Variants in C2CD5 observed in about 807,000 individuals in gnomAD.
The protein encoded by C2CD5 is C2 domain-containing protein 5.
In C2CD5, 109 loss-of-function variants were observed where a neutral mutation model predicts 130.3. The ratio of observed to expected loss-of-function variants is 0.84; its 90% CI spans 0.72 to 0.98. The LOEUF is 0.98. C2CD5 is among the 50% of genes least tolerant of loss of function. The pLI is 0.00. For missense variants in C2CD5, 996 were observed against 1,261.8 expected (o/e 0.79, Z 3.19); for synonymous variants, 454 against 429.2 (o/e 1.06, Z -0.71).
chr12:22,480,199 T>TG (rs1277430037), intron 14 of C2CD5, among the ~76,000 whole-genome samples: 7 of 152,200 alleles, frequency 4.6e-5, no homozygotes, highest in Admixed American at 1.3e-4. Context: ...CCTGAACAGC[T>TG]GAGAACACAG....
rs886305314 is a variant in C2CD5 at position 22,500,556 on chromosome 12, A to G, written c.1147+6155T>C. On this transcript the variant is annotated intron_variant, in intron 10 of 26. Transcript: ENST00000446597. ...TCTTTAACTCTTTATCTTGTATCAC[A>G]CCATACCACACAGTAAATTATTTAA... Among the ~76,000 whole-genome samples, 4 of 152,150 alleles carry G rather than the reference A, an allele frequency of 2.6e-5. No individual in the cohort carries two copies. The East Asian group carries it at 7.7e-4, about 29-fold the overall frequency.
rs752007996 is a variant in C2CD5 at position 22,457,144 on chromosome 12, C to T, written c.2704G>A (p.Ala902Thr). Reference protein sequence around the residue: ...SIKTTMTVEKASPVGDGNFRN... With the variant: ...SIKTTMTVEKTSPVGDGNFRN... ...AAATTTCCATCACCCACTGGACTTG[C>T]TTTTTCAACTGTCATGGCTAAAATT... Residue 902 changes from alanine (A) to threonine (T), a missense_variant, in exon 25 of 27, where the codon GCA becomes ACA. Coordinates refer to ENST00000446597, the MANE Select transcript of C2CD5 (RefSeq NM_001286176.2). The T allele has an allele frequency of 6.2e-7, 1 of 1,601,608 alleles. No homozygotes were observed. The highest frequency in any genetic ancestry group is 1.1e-5 in the South Asian group (1 of 88,328).
At chr12:22,482,176 T>C (rs1056600730) in intron 14 of C2CD5, among the ~76,000 whole-genome samples, 1 of 152,170 alleles carries the variant, frequency 6.6e-6, no homozygotes, top group Admixed American at 6.5e-5. Flanking sequence ...GGAATTGCCA[T>C]GGATGCTGCT....
chr12:22,453,544 G>A (rs1221591468), intron 26 of C2CD5, among the ~76,000 whole-genome samples: 1 of 152,088 alleles, frequency 6.6e-6, no homozygotes, highest in Non-Finnish European at 1.5e-5. Flanking sequence ...TAGTAAGGCA[G>A]CTGAAACTGG....
intron 4 of C2CD5, 95 bp from the exon 5 acceptor site, chr12:22,525,800 T>C: frequency 1.4e-6 from 1 of 719,494 alleles, no homozygotes; most frequent in Non-Finnish European, 2.4e-6. Context: ...GATTTTAAAA[T>C]ACAATGATTT....
At chr12:22,468,069 G>A (rs1591970845) in intron 22 of C2CD5, among the ~76,000 whole-genome samples, 1 of 144,790 alleles carries the variant, frequency 6.9e-6, no homozygotes, top group East Asian at 2.0e-4. Context: ...AGGTTTTAGG[G>A]CTTTTTTTTT....
intron 3 of C2CD5, among the ~76,000 whole-genome samples, chr12:22,529,650 A>G (rs535860085): frequency 6.6e-6 from 1 of 152,310 alleles, no homozygotes; most frequent in Non-Finnish European, 1.5e-5. Context: ...TTTCTGAGAA[A>G]TGTTTTAAAT....
intron 22 of C2CD5, among the ~76,000 whole-genome samples, chr12:22,460,282 A>C (rs1321067816): frequency 2.6e-5 from 4 of 152,234 alleles, no homozygotes; most frequent in African/African-American, 9.6e-5. Flanking sequence ...TGTTCTACCC[A>C]CATTAGAATA....
At chr12:22,537,741 A>G (rs935875620) in intron 2 of C2CD5, among the ~76,000 whole-genome samples, 1 of 152,190 alleles carries the variant, frequency 6.6e-6, no homozygotes, top group Admixed American at 6.5e-5. Context: ...ACATGTAGAG[A>G]CCTAGCAAAA....
intron 2 of C2CD5, among the ~76,000 whole-genome samples, chr12:22,537,005 A>G (rs572518894): frequency 3.3e-5 from 5 of 152,228 alleles, no homozygotes; most frequent in Non-Finnish European, 7.3e-5. Flanking sequence ...CTTTATATGA[A>G]GTAAAATACT....
At chr12:22,522,709 G>GT (rs1420956128) in intron 7 of C2CD5, among the ~76,000 whole-genome samples, 1 of 152,050 alleles carries the variant, frequency 6.6e-6, no homozygotes, top group Non-Finnish European at 1.5e-5. Flanking sequence ...AGACATTTGA[G>GT]TTTAACACTT....
chr12:22,506,929 G>C (rs568927652), intron 9 of C2CD5, 110 bp from the exon 10 acceptor site: 1 of 684,590 alleles, frequency 1.5e-6, no homozygotes, highest in East Asian at 2.6e-5. Context: ...GAAATAAAAG[G>C]CCACCCATTA....
chr12:22,504,296 T>G (rs1409839153), intron 10 of C2CD5, among the ~76,000 whole-genome samples: 1 of 146,038 alleles, frequency 6.8e-6, no homozygotes, highest in African/African-American at 2.8e-5. Flanking sequence ...ATCAAAATGT[T>G]TTTTTTTCTT....
At chr12:22,455,348 A>T (rs535352619) in intron 25 of C2CD5, among the ~76,000 whole-genome samples, 60 of 152,328 alleles carry the variant, frequency 3.9e-4, no homozygotes, top group African/African-American at 1.4e-3. Context: ...GGCAATTAAC[A>T]CATTTGGGAT....
Position 22,449,959 on chromosome 12 carries a change from G to A in C2CD5, c.3025-68C>T, listed in dbSNP as rs573871497. On this transcript the variant is annotated intron_variant, in intron 26 of 26. Transcript: ENST00000446597. ...CATTCATACTCTTCTGTTACATAAG[G>A]GGCAGTGCTGTACAGCCAAAAAACA... The A allele has an allele frequency of 1.8e-5, 24 of 1,358,084 alleles. 1 individual carries two copies. The South Asian group carries it at 3.3e-4, about 19-fold the overall frequency. 84.1% of individuals were successfully genotyped at this position (1,358,084 alleles called of 1,614,324 possible).
At chr12:22,517,955 A>G (rs764537485) in intron 8 of C2CD5, 31 bp downstream of exon 8, 2 of 1,550,688 alleles carry the variant, frequency 1.3e-6, no homozygotes, top group Admixed American at 4.2e-5. Flanking sequence ...TTTAAAAAAG[A>G]AAAAATAAAA....
chr12:22,536,207 G>C (rs1951803658), intron 2 of C2CD5, among the ~76,000 whole-genome samples: 1 of 151,548 alleles, frequency 6.6e-6, no homozygotes. Context: ...ATTATTTCTA[G>C]AAGTATATAC....
intron 3 of C2CD5, among the ~76,000 whole-genome samples, chr12:22,534,538 C>T (rs1245673822): frequency 6.6e-6 from 1 of 151,996 alleles, no homozygotes; most frequent in African/African-American, 2.4e-5. Flanking sequence ...AAAAATAACT[C>T]AATTAGAAAA....
At chr12:22,463,847 T>C (rs2136084304) in intron 22 of C2CD5, 1 of 152,332 alleles carries the variant, frequency 6.6e-6, no homozygotes, top group Non-Finnish European at 1.5e-5. Flanking sequence ...TGGAAATGAT[T>C]CTCTGGCAGA....
Sources: allele counts gnomAD v4.1 joint callset (sites outside exome capture counted in the v4.1 genomes callset), GRCh38; gene constraint gnomAD v4.1.1; transcripts MANE v1.5; gene names NCBI Gene and HGNC (gene_info 2026-07-23, HGNC 2026-07-21).